The following USP16 variants were observed in gnomAD, a reference collection of about 807,000 sequenced individuals.
USP16 encodes the protein ubiquitin specific peptidase 16, also known as ubiquitin carboxyl-terminal hydrolase 16.
A neutral mutation model predicts 95.9 loss-of-function variants in USP16; 77 were observed. That is an observed-to-expected ratio of 0.80 (90% CI 0.67 to 0.97). The LOEUF (loss-of-function observed/expected upper bound fraction) is 0.97. Among genes scored for constraint, USP16 ranks in the 50% least tolerant of loss-of-function variants. The pLI is 0.00. For missense variants in USP16, 943 were observed against 959.9 expected, an observed-to-expected ratio of 0.98 and a Z score of 0.23; for synonymous variants, 303 against 318.2, an observed-to-expected ratio of 0.95 and a Z score of 0.51.
At chr21:29,037,020 A>G (rs1236905560) in intron 5 of USP16, among the ~76,000 whole-genome samples, 1 of 152,232 alleles carries the variant, frequency 6.6e-6, no homozygotes, top group Non-Finnish European at 1.5e-5. Context: ...AGGGAGATTT[A>G]TACCAAAGCA....
chr21:29,049,688 T>TTA (rs1428235446), intron 15 of USP16, among the ~76,000 whole-genome samples: 2 of 152,216 alleles, frequency 1.3e-5, no homozygotes, highest in African/African-American at 2.4e-5. Flanking sequence ...GCCTCTATAG[T>TTA]AGCTGGGACT....
intron 14 of USP16, among the ~76,000 whole-genome samples, chr21:29,048,198 T>C (rs1189804333): frequency 6.6e-6 from 1 of 151,772 alleles, no homozygotes; most frequent in African/African-American, 2.4e-5. Flanking sequence ...TTCTCCTGCC[T>C]CAGCCTCCCA....
intron 14 of USP16, among the ~76,000 whole-genome samples, chr21:29,047,626 C>T (rs996188209): frequency 6.6e-6 from 1 of 152,186 alleles, no homozygotes; most frequent in South Asian, 2.1e-4. Context: ...CCACCCTTAC[C>T]TCCTTTGCAC....
Position 29,042,528 on chromosome 21 carries a change from G to C in USP16, c.1179G>C (p.Gln393His). 6.3e-7 allele frequency: 1 copy of C among 1,596,234 alleles called. No homozygotes were observed. Residue 393 changes from glutamine (Q) to histidine (H), a missense_variant and splice_region_variant, in exon 12 of 18, where the codon CAG (glutamine) becomes CAC (histidine). Physicochemically the swap from Gln to His is conservative, Grantham distance 24. Transcript: ENST00000399976. ...TGTCCCTCCCAGTTTTAGATGATCA[G>C]GTAAGACTATTGAATTTATTTTATT... ...LDLSLPVLDD[Q>H]SGKKSVNDKN...
rs1373515492 is a variant in USP16 at position 29,053,915 on chromosome 21, T to C, written c.2307T>C (p.Asn769=). 6.2e-7 allele frequency: 1 copy of C among 1,614,122 alleles called. No homozygotes were observed. Among genetic ancestry groups the C allele is most frequent in the East Asian group, 2.2e-5 (1 of 44,894 alleles). ...YTAYAKARTA[N]SHLSNLVLHG... is the part of the protein sequence containing the mutation. ...CCTATGCCAAGGCAAGAACCGCAAA[T>C]AGTCATCTCTCTAATCTTGTTCTTC... Residue 769 remains asparagine, a synonymous_variant, in exon 17 of 18, where the codon AAT becomes AAC. Coordinates refer to ENST00000399976, the MANE Select transcript of USP16 (RefSeq NM_006447.3).
At chr21:29,043,237 CATT>C (rs2085270708) in intron 12 of USP16, 183 bp from the exon 13 acceptor site, 2 of 372,610 alleles carry the variant, frequency 5.4e-6, no homozygotes, top group African/African-American at 4.2e-5. Context: ...CTTGTTTTCT[CATT>C]ATGTGAAGAT....
chr21:29,042,584 TG>T (rs773651513), intron 12 of USP16, 56 bp downstream of exon 12: 5 of 1,486,962 alleles, frequency 3.4e-6, no homozygotes, highest in Middle Eastern at 3.6e-4. Context: ...TAAGATTTTG[TG>T]GGGGGAAGCC....
At chr21:29,025,545 C>T (rs2084974126) in intron 1 of USP16, among the ~76,000 whole-genome samples, 1 of 152,232 alleles carries the variant, frequency 6.6e-6, no homozygotes, top group South Asian at 2.1e-4. Flanking sequence ...TTCCGCAGCA[C>T]TGGAGTGACC....
In USP16 at chr21:29,045,183, T is replaced by C. The variant is rs549639528; in HGVS notation, c.1357-1484T>C. Among the ~76,000 whole-genome samples, 82 of 152,380 alleles carry C rather than the reference T, an allele frequency of 5.4e-4. 2 individuals carry two copies. The South Asian group carries it at 0.016, about 29-fold the overall frequency. On this transcript the variant is annotated intron_variant, in intron 13 of 17. Transcript: ENST00000399976. ...ATATTCTTTTCTTATTTTTTATTCA[T>C]GTGTTCCTCTGTTTTTACGGAAACA...
rs549801970 is a variant in USP16, at chr21:29,042,187, A to G, written c.1122+83A>G. On this transcript the variant is annotated intron_variant, in intron 11 of 17. Coordinates refer to ENST00000399976, the MANE Select transcript of USP16 (RefSeq NM_006447.3). ...GTTTATTTCAAAAGCAGAAATCTCT[A>G]CCTTCATAGGATATCTTTTTAAACT... 4.8e-6 allele frequency: 6 copies of G among 1,243,128 alleles called. No individual in the cohort carries two copies. The East Asian group carries it at 1.2e-4, about 26-fold the overall frequency. 77.0% of individuals were successfully genotyped at this position (1,243,128 alleles called of 1,614,324 possible). A position where few individuals can be genotyped will look rare whatever the true frequency, so the allele number is the denominator to read the frequency against.
At chr21:29,050,418 G>A (rs2085396584) in intron 16 of USP16, among the ~76,000 whole-genome samples, 1 of 152,154 alleles carries the variant, frequency 6.6e-6, no homozygotes, top group African/African-American at 2.4e-5. Context: ...TGAGCGGAGG[G>A]CATAAAACTA....
At chr21:29,044,866 A>G (rs2085300419) in intron 13 of USP16, among the ~76,000 whole-genome samples, 1 of 152,212 alleles carries the variant, frequency 6.6e-6, no homozygotes, top group East Asian at 1.9e-4. Context: ...GTATTTTGCT[A>G]TAATGGTGAG....
At position 29,024,833 on chromosome 21, in the gene USP16, G is replaced by C. The variant is rs1404103796; in HGVS notation, c.-42+56G>C. Reference sequence around the variant, plus strand: ...TCGCTCGCCTGGCTTTCTGCGCTGGGAGAGCTCCTGTTTTCCGCCCCAACT... The same window carrying C: ...TCGCTCGCCTGGCTTTCTGCGCTGGCAGAGCTCCTGTTTTCCGCCCCAACT... On this transcript the variant is annotated intron_variant, in intron 1 of 17. Coordinates refer to ENST00000399976, the MANE Select transcript of USP16 (RefSeq NM_006447.3). 7 of 1,239,274 alleles carry C rather than the reference G, an allele frequency of 5.6e-6. No homozygotes were observed. In the East Asian group the frequency reaches 2.3e-4, roughly 41 times the overall value. The allele number at this position is 1,239,274 out of a possible 1,614,324, so 76.8% of individuals were successfully genotyped here.
intron 1 of USP16, among the ~76,000 whole-genome samples, chr21:29,027,145 T>A (rs1406785628): frequency 1.3e-5 from 2 of 152,236 alleles, no homozygotes; most frequent in Non-Finnish European, 2.9e-5. Flanking sequence ...CTGTATGTAC[T>A]TTTAGCACTT....
In USP16 at chr21:29,039,461, G is replaced by C; in HGVS notation, c.864-20G>C. 6.2e-7 allele frequency: 1 copy of C among 1,609,776 alleles called. No individual in the cohort carries two copies. The highest frequency in any genetic ancestry group is 8.5e-7 in the Non-Finnish European group (1 of 1,177,378). The stretch of plus-strand genomic sequence containing the variant: ...TTAGTAGACTGAAGATTGCTTTTCT[G>C]TCTTTTTGTTTTTCTCTAGAGCAGT... On this transcript the variant is annotated intron_variant, in intron 8 of 17. Coordinates refer to ENST00000399976, the MANE Select transcript of USP16 (RefSeq NM_006447.3).
chr21:29,040,740 T>C, intron 10 of USP16, 53 bp downstream of exon 10: 1 of 937,088 alleles, frequency 1.1e-6, no homozygotes, highest in Non-Finnish European at 1.6e-6. Flanking sequence ...CTCTGTACCT[T>C]AGGACAAGAT....
In USP16 at chr21:29,053,800, A is replaced by G; in HGVS notation, c.2194-2A>G. ...ACTTTTGGATTCTACTCATTTTTAA[A>G]GAATGTTGCAGAAGAAAATACAAGG... On this transcript the variant is annotated splice_acceptor_variant, in intron 16 of 17. Transcript: ENST00000399976. LOFTEE classifies it high-confidence loss of function. 6.2e-7 allele frequency: 1 copy of G among 1,608,254 alleles called. No homozygotes were observed.
At chr21:29,037,217 A>T in intron 5 of USP16, 59 bp from the exon 6 acceptor site, 1 of 1,103,246 alleles carries the variant, frequency 9.1e-7, no homozygotes, top group Non-Finnish European at 1.3e-6. Flanking sequence ...TCCCAAGTAT[A>T]CTTCTGCATT....
chr21:29,028,479 A>C (rs1025340808), intron 2 of USP16, among the ~76,000 whole-genome samples: 1 of 151,868 alleles, frequency 6.6e-6, no homozygotes, highest in Non-Finnish European at 1.5e-5. Flanking sequence ...TCTGTTGCCC[A>C]GGCTGGAGTG....
Sources: gnomAD v4.1 joint callset for allele counts (sites outside exome capture counted in the v4.1 genomes callset) on GRCh38, gnomAD v4.1.1 for gene constraint, MANE v1.5 for transcripts, NCBI Gene and HGNC (gene_info 2026-07-23, HGNC 2026-07-21) for gene names.